Variants in NCOA3 observed in about 807,000 individuals in gnomAD.
The protein encoded by NCOA3 is CBP-interacting protein.
Under a neutral mutation model 158.8 loss-of-function variants are expected in NCOA3, and 51 were observed. The observed-to-expected ratio is 0.32, with a 90% confidence interval of 0.26 to 0.41. The LOEUF (loss-of-function observed/expected upper bound fraction) is 0.41. NCOA3 is among the 10% of genes least tolerant of loss of function. NCOA3 has a pLI of 1.00. For synonymous variants in NCOA3, 537 were observed against 592.4 expected (o/e 0.91, Z 1.36); for missense variants, 1,510 against 1,746.6 (o/e 0.86, Z 2.41).
intron 1 of NCOA3, among the ~76,000 whole-genome samples, chr20:47,573,416 C>CA (rs2085324966): frequency 1.4e-5 from 2 of 147,472 alleles, no homozygotes; most frequent in African/African-American, 5.2e-5. Flanking sequence ...AACAAACAAA[C>CA]AAACAAAAAA....
intron 1 of NCOA3, among the ~76,000 whole-genome samples, chr20:47,540,458 G>T (rs1256884763): frequency 6.6e-6 from 1 of 151,754 alleles, no homozygotes; most frequent in Non-Finnish European, 1.5e-5. Flanking sequence ...CTGTAATCCG[G>T]CTACTTGAGA....
At chr20:47,638,324 C>T (rs761893438) in intron 13 of NCOA3, among the ~76,000 whole-genome samples, 3 of 152,170 alleles carry the variant, frequency 2.0e-5, no homozygotes, top group Non-Finnish European at 2.9e-5. Flanking sequence ...GCATGAGAAT[C>T]GCTTGAACCT....
intron 1 of NCOA3, among the ~76,000 whole-genome samples, chr20:47,505,003 G>GTTTTTGTTTTTTT (rs2084004884): frequency 3.5e-5 from 1 of 28,550 alleles, no homozygotes; most frequent in Non-Finnish European, 5.4e-5. Flanking sequence ...TGGGTTTTTG[G>GTTTTTGTTTTTTT]TTTTTTTTTT....
At chr20:47,576,672 G>A (rs561583688) in intron 1 of NCOA3, among the ~76,000 whole-genome samples, 1 of 152,130 alleles carries the variant, frequency 6.6e-6, no homozygotes, top group Non-Finnish European at 1.5e-5. Flanking sequence ...TGCAATCCTG[G>A]TAGCCAATGA....
chr20:47,656,470 G>A lies in NCOA3; in HGVS notation c.*3053G>A, dbSNP rs183904698. 40 of 152,378 alleles carry A rather than the reference G, an allele frequency of 2.6e-4. No individual in the cohort carries two copies. Among genetic ancestry groups the A allele is most frequent in the Admixed American group, 2.6e-3 (39 of 15,288 alleles). The allele number at this position is 152,378 out of a possible 1,614,324, so 9.4% of individuals were successfully genotyped here. A position where few individuals can be genotyped will look rare whatever the true frequency, so the allele number is the denominator to read the frequency against. On this transcript the variant is annotated 3_prime_UTR_variant, in exon 23 of 23. Coordinates refer to ENST00000371998, the MANE Select transcript of NCOA3 (RefSeq NM_181659.3). ...TGAAAGTAAACAGAATGGATTGCCA[G>A]TTACATGTATGCCTGCCCAGTTCCC...
chr20:47,534,434 G>A (rs939290445), intron 1 of NCOA3, among the ~76,000 whole-genome samples: 7 of 152,122 alleles, frequency 4.6e-5, no homozygotes, highest in Non-Finnish European at 8.8e-5. Flanking sequence ...CTCCCTAACT[G>A]GGTTGTGAGC....
At chr20:47,512,495 C>T (rs1184464758) in intron 1 of NCOA3, among the ~76,000 whole-genome samples, 1 of 150,016 alleles carries the variant, frequency 6.7e-6, no homozygotes, top group African/African-American at 2.5e-5. Context: ...TTGAACCCGG[C>T]AGGCGAAGGT....
chr20:47,642,447 C>T, intron 17 of NCOA3, 63 bp downstream of exon 17: 1 of 1,133,860 alleles, frequency 8.8e-7, no homozygotes, highest in South Asian at 2.4e-5. Context: ...CGTACACATT[C>T]ATGAAGCCAC....
intron 1 of NCOA3, among the ~76,000 whole-genome samples, chr20:47,556,448 G>T (rs1386418331): frequency 1.3e-5 from 2 of 152,182 alleles, no homozygotes; most frequent in South Asian, 2.1e-4. Flanking sequence ...TTGAACCTGG[G>T]CTTCAAGTAG....
At chr20:47,572,131 T>C (rs1368718225) in intron 1 of NCOA3, among the ~76,000 whole-genome samples, 1 of 152,214 alleles carries the variant, frequency 6.6e-6, no homozygotes, top group Non-Finnish European at 1.5e-5. Flanking sequence ...CCTCATAGAA[T>C]TGAAGAGAGT....
At chr20:47,647,490 T>G in intron 18 of NCOA3, 124 bp downstream of exon 18, 1 of 896,174 alleles carries the variant, frequency 1.1e-6, no homozygotes. Flanking sequence ...TTGTTTTACT[T>G]CTGTGTAAGG....
chr20:47,545,937 A>G (rs2084821059), intron 1 of NCOA3, among the ~76,000 whole-genome samples: 1 of 149,682 alleles, frequency 6.7e-6, no homozygotes, highest in East Asian at 2.0e-4. Flanking sequence ...CTGGTCTAGA[A>G]CTCCTGAGCT....
chr20:47,629,294 A>G (rs565907916), intron 8 of NCOA3, among the ~76,000 whole-genome samples: 35 of 151,854 alleles, frequency 2.3e-4, no homozygotes, highest in Non-Finnish European at 1.6e-4. Flanking sequence ...TATTTTGACA[A>G]TTCACAGTAT....
intron 1 of NCOA3, among the ~76,000 whole-genome samples, chr20:47,512,437 ACAT>A (rs2146057488): frequency 3.3e-5 from 5 of 151,958 alleles, no homozygotes; most frequent in Admixed American, 2.6e-4. Context: ...GCATGGTGGC[ACAT>A]GCCTGTAGTC....
At position 47,523,165 on chromosome 20, in the gene NCOA3, G is replaced by C. The variant is rs148347391; in HGVS notation, c.-99+21146G>C. On this transcript the variant is annotated intron_variant, in intron 1 of 22. Transcript: ENST00000371998. ...CGCGCCACTGCACTCCAGGCTGGGC[G>C]ATAGAGCGAGCCTCCGTCTCAAAAC... 7.2e-3 allele frequency among the ~76,000 whole-genome samples: 1,102 copies of C among 152,268 alleles called. 22 individuals carry two copies. The highest frequency in any genetic ancestry group is 0.025 in the African/African-American group (1,044 of 41,548).
intron 1 of NCOA3, among the ~76,000 whole-genome samples, chr20:47,569,796 GTCAGGAGATCAAGACCA>G (rs2085261880): frequency 6.6e-6 from 1 of 152,068 alleles, no homozygotes; most frequent in African/African-American, 2.4e-5. Flanking sequence ...GGATCACAAG[GTCAGGAGATCAAGACCA>G]TCCTGGCTAA....
chr20:47,649,091 G>GC lies in NCOA3; in HGVS notation c.3637dup (p.Gln1213ProfsTer10). ...CTGCGGTGATGAGGCCTATGATGCA[G>GC]CCCCAGGTGAGCTCCCAGGTGAGGA... On this transcript the variant is annotated frameshift_variant, in exon 19 of 23. Transcript: ENST00000371998. LOFTEE classifies it high-confidence loss of function. The GC allele has an allele frequency of 1.9e-6, 3 of 1,613,390 alleles. No homozygotes were observed. The highest frequency in any genetic ancestry group is 1.7e-6 in the Non-Finnish European group (2 of 1,179,530).
chr20:47,617,600 TA>T (rs1351160210), intron 2 of NCOA3, among the ~76,000 whole-genome samples: 1 of 152,312 alleles, frequency 6.6e-6, no homozygotes, highest in East Asian at 1.9e-4. Flanking sequence ...GCGTGGCAAC[TA>T]AAACAAATGC....
Position 47,639,732 on chromosome 20 carries a change from G to A in NCOA3, c.2863G>A (p.Gly955Ser), listed in dbSNP as rs1230541693. ...TACTTCTTTACCCAGACCTGCACTG[G>A]GTGGCTCTATTCCCACATTGCCTCT... ...YNTSLPRPAL[G>S]GSIPTLPLRS... The change falls in exon 15 of 23, where the codon GGT becomes AGT. Residue 955 changes from glycine (G) to serine (S), a missense_variant. This residue lies in a region of NCOA3 where 1,017 missense variants were observed against 1,098.3 expected (regional missense o/e 0.93). Coordinates refer to ENST00000371998, the MANE Select transcript of NCOA3 (RefSeq NM_181659.3). 2 of 1,614,162 alleles carry A rather than the reference G, an allele frequency of 1.2e-6. No individual in the cohort carries two copies. Among genetic ancestry groups the A allele is most frequent in the Admixed American group, 1.7e-5 (1 of 60,010 alleles).
Sources: gnomAD v4.1 joint callset for allele counts (sites outside exome capture counted in the v4.1 genomes callset) on GRCh38, gnomAD v4.1.1 for gene constraint, gnomAD v4.1.1 regional missense constraint, MANE v1.5 for transcripts, NCBI Gene and HGNC (gene_info 2026-07-23, HGNC 2026-07-21) for gene names.